Variants in MED12L observed in about 807,000 individuals in gnomAD.
MED12L encodes the protein mediator complex subunit 12L.
In MED12L, 60 loss-of-function variants were observed where a neutral mutation model predicts 281.3. The ratio of observed to expected loss-of-function variants is 0.21; its 90% CI spans 0.17 to 0.26. MED12L has a LOEUF of 0.26. Among genes scored for constraint, MED12L ranks in the 10% least tolerant of loss-of-function variants. The probability of loss-of-function intolerance (pLI) is 1.00; values close to 1 mark genes in which losing one functional copy is unlikely to be tolerated. For missense variants in MED12L, 2,146 were observed against 2,680.9 expected (o/e 0.80, Z 4.41); for synonymous variants, 974 against 987.2 (o/e 0.99, Z 0.25).
intron 16 of MED12L, among the ~76,000 whole-genome samples, chr3:151,335,066 C>T (rs1560041848): frequency 6.6e-6 from 1 of 152,044 alleles, no homozygotes; most frequent in Non-Finnish European, 1.5e-5. Flanking sequence ...TGTAAGTATA[C>T]AATGTGTAAT....
chr3:151,216,290 G>C (rs574472879), intron 16 of MED12L, among the ~76,000 whole-genome samples: 8 of 152,186 alleles, frequency 5.3e-5, no homozygotes, highest in Non-Finnish European at 1.0e-4. Context: ...AAGATTGTGG[G>C]AACAGTGGGT....
At chr3:151,109,460 TCTCC>T (rs1270503755) in intron 2 of MED12L, among the ~76,000 whole-genome samples, 2 of 152,202 alleles carry the variant, frequency 1.3e-5, no homozygotes, top group Admixed American at 6.5e-5. Context: ...TGTGTGCCTG[TCTCC>T]CTCGAATTGC....
At chr3:151,421,684 T>C (rs1309182614) in intron 43 of MED12L, among the ~76,000 whole-genome samples, 1 of 152,284 alleles carries the variant, frequency 6.6e-6, no homozygotes, top group East Asian at 1.9e-4. Context: ...GCTGGGATTA[T>C]AGGCATGAGC....
intron 43 of MED12L, among the ~76,000 whole-genome samples, chr3:151,423,012 T>TA (rs201776827): frequency 2.9e-5 from 2 of 69,158 alleles, no homozygotes; most frequent in Admixed American, 1.3e-4. Flanking sequence ...TAGGAGATCA[T>TA]AAAAATATAT....
At chr3:151,334,201 T>TTTTTTTTGCCATTTCTATTTCTCC (rs1750696226) in intron 16 of MED12L, among the ~76,000 whole-genome samples, 1 of 145,686 alleles carries the variant, frequency 6.9e-6, no homozygotes, top group African/African-American at 2.5e-5. Flanking sequence ...TCTTTCTTTT[T>TTTTTTTTGCCATTTCTATTTCTCC]TTTTTTGCCA....
At chr3:151,166,360 G>A (rs768295889) in intron 11 of MED12L, among the ~76,000 whole-genome samples, 9 of 152,070 alleles carry the variant, frequency 5.9e-5, no homozygotes, top group Non-Finnish European at 8.8e-5. Context: ...ATGAATACCC[G>A]TGGTCATGAT....
At chr3:151,327,734 TAAA>T (rs63497161) in intron 16 of MED12L, 411 of 252,010 alleles carry the variant, frequency 1.6e-3, no homozygotes, top group Non-Finnish European at 2.3e-3. Flanking sequence ...CTCTTGAAAT[TAAA>T]AAAAAAAAAA....
chr3:151,198,342 G>T (rs73157910), intron 16 of MED12L: 37,022 of 683,082 alleles, frequency 0.054, 1,348 homozygotes, highest in Admixed American at 0.07. Context: ...GTTTTTTTTT[G>T]TTTTTTTTTT....
Position 151,254,430 on chromosome 3 carries a change from G to C in MED12L, c.2250+60764G>C, listed in dbSNP as rs1007268929. Among the ~76,000 whole-genome samples, 47 of 152,246 alleles carry C rather than the reference G, an allele frequency of 3.1e-4. 1 individual carries two copies. The highest frequency in any genetic ancestry group is 9.1e-4 in the African/African-American group (38 of 41,544). On this transcript the variant is annotated intron_variant, in intron 16 of 44. Coordinates refer to ENST00000687756, the MANE Select transcript of MED12L (RefSeq NM_001393769.1). ...TGACCAGGGGAAACCTTGCTGTCTT[G>C]GTCTAATGAGGGCAGGCTTCCCTCT... is the stretch of plus-strand genomic sequence containing the variant.
chr3:151,212,777 G>A (rs1363847092), intron 16 of MED12L: 1 of 151,880 alleles, frequency 6.6e-6, no homozygotes, highest in Non-Finnish European at 1.5e-5. Flanking sequence ...TTGTCTGGGT[G>A]TCAGCTTTTC....
At chr3:151,415,795 C>T (rs954567560) in intron 42 of MED12L, among the ~76,000 whole-genome samples, 3 of 152,112 alleles carry the variant, frequency 2.0e-5, no homozygotes, top group Non-Finnish European at 2.9e-5. Flanking sequence ...CTGTTACTGA[C>T]ATGATTTCTG....
chr3:151,254,390 C>G (rs1260721990), intron 16 of MED12L, among the ~76,000 whole-genome samples: 1 of 152,138 alleles, frequency 6.6e-6, no homozygotes, highest in African/African-American at 2.4e-5. Flanking sequence ...ATTGCAACTC[C>G]CTAATTTCAT....
At chr3:151,277,384 G>T (rs1742064334) in intron 16 of MED12L, among the ~76,000 whole-genome samples, 1 of 152,004 alleles carries the variant, frequency 6.6e-6, no homozygotes, top group African/African-American at 2.4e-5. Flanking sequence ...TATTTTCCGA[G>T]TGCATTGTTT....
intron 4 of MED12L, among the ~76,000 whole-genome samples, 176 bp from the exon 5 acceptor site, chr3:151,127,649 G>T (rs1489884397): frequency 2.0e-5 from 3 of 152,150 alleles, no homozygotes; most frequent in East Asian, 1.9e-4. Context: ...GGCTTAAAAT[G>T]TTCCTTTAAA....
chr3:151,111,836 C>T (rs1334817348), intron 2 of MED12L, among the ~76,000 whole-genome samples: 2 of 151,958 alleles, frequency 1.3e-5, no homozygotes, highest in Non-Finnish European at 2.9e-5. Context: ...GAAATCTGGG[C>T]GGGGAAGAGG....
chr3:151,186,251 G>A (rs1012431411), intron 12 of MED12L, among the ~76,000 whole-genome samples: 1 of 152,188 alleles, frequency 6.6e-6, no homozygotes, highest in Admixed American at 6.5e-5. Flanking sequence ...TGGCTATGGG[G>A]AATGTGTGTA....
chr3:151,329,619 A>G (rs1577346252), intron 16 of MED12L: 2 of 851,132 alleles, frequency 2.3e-6, no homozygotes, highest in East Asian at 5.5e-5. Context: ...AATGTGACCC[A>G]TTAGAACCTC....
Position 151,232,798 on chromosome 3 carries a change from G to A in MED12L, c.2250+39132G>A, listed in dbSNP as rs1460318966. On this transcript the variant is annotated intron_variant, in intron 16 of 44. Coordinates refer to ENST00000687756, the MANE Select transcript of MED12L (RefSeq NM_001393769.1). ...AGGCTTACTTGAGGATGGAGGGTGG[G>A]AGGAGGGAGAGGAGCAGAAAGATAA... Among the ~76,000 whole-genome samples, 11 of 152,326 alleles carry A rather than the reference G, an allele frequency of 7.2e-5. No homozygotes were observed. The South Asian group carries it at 2.3e-3, about 32-fold the overall frequency.
chr3:151,194,308 T>TA (rs1375102555), intron 16 of MED12L, among the ~76,000 whole-genome samples: 2 of 152,174 alleles, frequency 1.3e-5, no homozygotes, highest in Admixed American at 6.5e-5. Context: ...TGAGTAGCTT[T>TA]TATGTGCACT....
Sources: gnomAD v4.1 joint callset for allele counts (sites outside exome capture counted in the v4.1 genomes callset) on GRCh38, gnomAD v4.1.1 for gene constraint, MANE v1.5 for transcripts, NCBI Gene and HGNC (gene_info 2026-07-23, HGNC 2026-07-21) for gene names.